GRIN2B: variants seen among roughly 807,000 people sequenced by gnomAD.
GRIN2B encodes the protein glutamate receptor ionotropic, NMDA 2B.
In GRIN2B, 5 loss-of-function variants were observed where a neutral mutation model predicts 114.5. The ratio of observed to expected loss-of-function variants is 0.04; its 90% CI spans 0.02 to 0.09. The LOEUF (loss-of-function observed/expected upper bound fraction) is 0.09, where lower values mean the gene tolerates loss of function less well. Ranked by LOEUF, GRIN2B falls within the 10% of genes least tolerant of loss-of-function variation. GRIN2B has a pLI of 1.00. For synonymous variants in GRIN2B, 787 were observed against 745.1 expected (o/e 1.06, Z -0.92); for missense variants, 1,108 against 1,943.5 (o/e 0.57, Z 8.08).
chr12:13,907,267 G>A (rs748370888), intron 2 of GRIN2B, among the ~76,000 whole-genome samples: 2 of 152,128 alleles, frequency 1.3e-5, no homozygotes, highest in Non-Finnish European at 2.9e-5. Flanking sequence ...AAGATGGATG[G>A]ATCACTTGAG....
intron 2 of GRIN2B, among the ~76,000 whole-genome samples, chr12:13,979,528 GA>G (rs201870750): frequency 0.15 from 15,265 of 101,622 alleles, 895 homozygotes; most frequent in African/African-American, 0.23. Flanking sequence ...AAGCCAACCT[GA>G]AAAAAAAAAA....
In GRIN2B at chr12:13,556,664, A is replaced by T. The variant is rs1948482298; in HGVS notation, c.*6119T>A. On this transcript the variant is annotated 3_prime_UTR_variant, in exon 14 of 14. Transcript: ENST00000609686. ...TTTTTAATTGTACCTTAATTCTTGC[A>T]CTGAGTTCTTTCACCTTCTCCAAAA... 1 of 152,136 alleles carries T rather than the reference A, an allele frequency of 6.6e-6. No homozygotes were observed. The highest frequency in any genetic ancestry group is 1.5e-5 in the Non-Finnish European group (1 of 68,032). 9.4% of individuals were successfully genotyped at this position (152,136 alleles called of 1,614,324 possible).
At chr12:13,610,322 T>C (rs565455384) in intron 9 of GRIN2B, among the ~76,000 whole-genome samples, 3 of 152,372 alleles carry the variant, frequency 2.0e-5, no homozygotes, top group South Asian at 4.1e-4. Context: ...AAGTGAGTAA[T>C]TGTAAGCCCT....
At chr12:13,805,275 G>A (rs1591741952) in intron 3 of GRIN2B, among the ~76,000 whole-genome samples, 1 of 152,104 alleles carries the variant, frequency 6.6e-6, no homozygotes, top group Admixed American at 6.6e-5. Context: ...TAGCTACCTA[G>A]CTTCTTGCCC....
intron 5 of GRIN2B, among the ~76,000 whole-genome samples, chr12:13,641,858 A>G (rs1163491252): frequency 6.6e-6 from 1 of 152,144 alleles, no homozygotes; most frequent in African/African-American, 2.4e-5. Context: ...GTATTTCTAT[A>G]CAAGTGAAAT....
rs1387847087 is a variant in GRIN2B at position 13,561,933 on chromosome 12, A to C, written c.*850T>G. On this transcript the variant is annotated 3_prime_UTR_variant, in exon 14 of 14. Coordinates refer to ENST00000609686, the MANE Select transcript of GRIN2B (RefSeq NM_000834.5). ...GTAATACATGGCCATCTCTGTCTGT[A>C]TATAAGCCAAACAATCACACTGCTT... 6.6e-6 allele frequency: 1 copy of C among 152,664 alleles called. No individual in the cohort carries two copies. The highest frequency in any genetic ancestry group is 1.9e-4 in the East Asian group (1 of 5,194). 9.5% of individuals were successfully genotyped at this position (152,664 alleles called of 1,614,324 possible).
chr12:13,927,966 C>CAAAAAAAA (rs57736516), intron 2 of GRIN2B, among the ~76,000 whole-genome samples: 19,079 of 37,294 alleles, frequency 0.51, 6,175 homozygotes, highest in East Asian at 0.64. Context: ...GACCCTGTCT[C>CAAAAAAAA]AAAAAAAAAA....
At chr12:13,831,828 C>T (rs1462617971) in intron 3 of GRIN2B, among the ~76,000 whole-genome samples, 1 of 152,178 alleles carries the variant, frequency 6.6e-6, no homozygotes, top group Non-Finnish European at 1.5e-5. Context: ...TGTGACTGTT[C>T]TTAAGAGAAA....
chr12:13,925,839 G>T (rs1027866949), intron 2 of GRIN2B, among the ~76,000 whole-genome samples: 2 of 152,076 alleles, frequency 1.3e-5, no homozygotes, highest in Non-Finnish European at 2.9e-5. Context: ...TAAGTACTGC[G>T]AATGACCTAT....
In GRIN2B at chr12:13,563,604, C is replaced by T; in HGVS notation, c.3634G>A (p.Gly1212Ser). The stretch of plus-strand genomic sequence containing the variant: ...GAGGGACAGCTGCGGCAGAAGTTGC[C>T]CCCGGACCGGTCCTCCCACTCCACG... ...TNVEWEDRSG[G>S]NFCRSCPSKL... Residue 1212 changes from glycine to serine, a missense_variant, in exon 14 of 14, where the codon GGC becomes AGC. Coordinates refer to ENST00000609686, the MANE Select transcript of GRIN2B (RefSeq NM_000834.5). 2 of 1,614,054 alleles carry T rather than the reference C, an allele frequency of 1.2e-6. No homozygotes were observed. Among genetic ancestry groups the T allele is most frequent in the East Asian group, 2.2e-5 (1 of 44,866 alleles).
chr12:13,707,402 T>A (rs189240922), intron 4 of GRIN2B, among the ~76,000 whole-genome samples: 26 of 152,298 alleles, frequency 1.7e-4, no homozygotes, highest in African/African-American at 6.3e-4. Flanking sequence ...TTAATCACTA[T>A]ATCTTCTTCC....
At chr12:13,911,844 C>T (rs1001394315) in intron 2 of GRIN2B, among the ~76,000 whole-genome samples, 16 of 152,044 alleles carry the variant, frequency 1.1e-4, no homozygotes, top group African/African-American at 3.9e-4. Context: ...TTTTTCCAAC[C>T]CCTCACACTA....
At chr12:13,876,592 T>A (rs1328719846) in intron 2 of GRIN2B, among the ~76,000 whole-genome samples, 1 of 152,122 alleles carries the variant, frequency 6.6e-6, no homozygotes, top group Non-Finnish European at 1.5e-5. Flanking sequence ...ACTTCCTCAC[T>A]CCCTCCCTCC....
chr12:13,628,940 C>G (rs1175995905), intron 5 of GRIN2B, among the ~76,000 whole-genome samples: 2 of 151,954 alleles, frequency 1.3e-5, no homozygotes, highest in African/African-American at 4.8e-5. Context: ...TAAAGAGACA[C>G]ATAAGAATTA....
At chr12:13,802,024 C>T (rs1045005119) in intron 3 of GRIN2B, among the ~76,000 whole-genome samples, 1 of 152,056 alleles carries the variant, frequency 6.6e-6, no homozygotes, top group African/African-American at 2.4e-5. Flanking sequence ...CTTACTGAGT[C>T]CTTCTTCCGT....
intron 5 of GRIN2B, among the ~76,000 whole-genome samples, chr12:13,618,191 T>C (rs1591644553): frequency 6.6e-6 from 1 of 152,190 alleles, no homozygotes; most frequent in Non-Finnish European, 1.5e-5. Context: ...CAAATGGCTC[T>C]CCAGCCAGTG....
intron 2 of GRIN2B, among the ~76,000 whole-genome samples, chr12:13,962,242 G>A (rs1867707881): frequency 6.6e-6 from 1 of 152,062 alleles, no homozygotes; most frequent in Non-Finnish European, 1.5e-5. Flanking sequence ...CCAGGCGGGA[G>A]CAGAGGGAGG....
At chr12:13,952,323 A>C (rs1223880056) in intron 2 of GRIN2B, among the ~76,000 whole-genome samples, 1 of 152,200 alleles carries the variant, frequency 6.6e-6, no homozygotes, top group African/African-American at 2.4e-5. Context: ...GTGTTAATGA[A>C]ACTGTAACTC....
intron 4 of GRIN2B, among the ~76,000 whole-genome samples, chr12:13,686,276 G>A (rs1176570386): frequency 6.6e-6 from 1 of 152,160 alleles, no homozygotes; most frequent in Non-Finnish European, 1.5e-5. Flanking sequence ...CCTTGAGTCA[G>A]AATTTCAAGC....
Sources: allele counts gnomAD v4.1 joint callset (sites outside exome capture counted in the v4.1 genomes callset), GRCh38; gene constraint gnomAD v4.1.1; transcripts MANE v1.5; gene names NCBI Gene and HGNC (gene_info 2026-07-23, HGNC 2026-07-21).